Variants in GPHN observed in about 807,000 individuals in gnomAD.
The protein encoded by GPHN is gephyrin.
In GPHN, 17 loss-of-function variants were observed where a neutral mutation model predicts 95.5. That is an observed-to-expected ratio of 0.18 (90% CI 0.12 to 0.27). The LOEUF (loss-of-function observed/expected upper bound fraction) is 0.27. Ranked by LOEUF, GPHN falls within the 10% of genes least tolerant of loss-of-function variation. GPHN has a pLI of 1.00. For synonymous variants in GPHN, 320 were observed against 322.5 expected (o/e 0.99, Z 0.08); for missense variants, 660 against 978.1 (o/e 0.67, Z 4.34).
At chr14:67,479,330 G>A in the GPHN span, among the ~76,000 whole-genome samples, 28 of 145,662 alleles carry the variant, frequency 1.9e-4, no homozygotes, top group Non-Finnish European at 3.2e-4. Flanking sequence ...TGCTTGAACC[G>A]GGACCCAGGA....
intron 8 of GPHN, among the ~76,000 whole-genome samples, chr14:66,933,885 T>C (rs1255512282): frequency 2.0e-5 from 3 of 152,120 alleles, no homozygotes; most frequent in Admixed American, 2.0e-4. Context: ...ATGCCTGTAA[T>C]ACCAGCACTT....
At chr14:67,574,967 G>A in the GPHN span, among the ~76,000 whole-genome samples, 2 of 152,274 alleles carry the variant, frequency 1.3e-5, no homozygotes, top group Admixed American at 6.5e-5. This position sits in a 1 kb window ranked among gnomAD's most constrained non-coding sequence, Gnocchi z 4.2. Flanking sequence ...TCTGCTTCTC[G>A]TTCAATCTGT....
intron 1 of GPHN, among the ~76,000 whole-genome samples, chr14:66,560,681 C>G (rs909502071): frequency 2.0e-5 from 3 of 152,096 alleles, no homozygotes; most frequent in African/African-American, 4.8e-5. Flanking sequence ...ATCATGTCAT[C>G]TGCAAACAGG....
At chr14:67,264,334 A>G in the GPHN span, among the ~76,000 whole-genome samples, 50 of 152,288 alleles carry the variant, frequency 3.3e-4, 1 homozygote, top group African/African-American at 1.2e-3. Flanking sequence ...GTAAATATTA[A>G]TAGTATTAGC....
chr14:67,028,906 A>G (rs1295013323), intron 10 of GPHN, among the ~76,000 whole-genome samples: 2 of 151,996 alleles, frequency 1.3e-5, no homozygotes, highest in Non-Finnish European at 2.9e-5. Context: ...TGTTGTCTGT[A>G]CTTTTGAAGT....
At chr14:66,573,901 G>A (rs755165867) in intron 1 of GPHN, among the ~76,000 whole-genome samples, 20 of 151,902 alleles carry the variant, frequency 1.3e-4, no homozygotes, top group Non-Finnish European at 2.9e-5. Context: ...CCTTATAGAC[G>A]AAATGAATCT....
intron 2 of GPHN, among the ~76,000 whole-genome samples, chr14:66,737,529 T>C (rs1410870457): frequency 6.6e-6 from 1 of 152,186 alleles, no homozygotes; most frequent in Non-Finnish European, 1.5e-5. Context: ...TTGTTTTTCT[T>C]AGTTTATCCT....
At position 66,879,272 on chromosome 14, in the gene GPHN, G is replaced by A. The variant is rs144405401; in HGVS notation, c.295-667G>A. On this transcript the variant is annotated intron_variant, in intron 4 of 22. Transcript: ENST00000478722. The stretch of plus-strand genomic sequence containing the variant: ...ACCTAATATAGACGGGTTGATGGGT[G>A]CAGCAAACCACCATGCCATGTGTAC... Among the ~76,000 whole-genome samples the A allele has an allele frequency of 1.2e-3, 188 of 151,450 alleles. 3 individuals are homozygous for A. The East Asian group carries it at 0.032, about 26-fold the overall frequency.
At chr14:66,819,385 G>T (rs533691198) in intron 3 of GPHN, among the ~76,000 whole-genome samples, 1 of 152,192 alleles carries the variant, frequency 6.6e-6, no homozygotes, top group Admixed American at 6.5e-5. Flanking sequence ...TCAGAGAGTT[G>T]TAAGTGTGTG....
chr14:67,011,545 G>T (rs1326565204), intron 9 of GPHN, among the ~76,000 whole-genome samples: 10 of 132,218 alleles, frequency 7.6e-5, no homozygotes. Flanking sequence ...CTGCACTGTA[G>T]CCTGGACAGT....
At chr14:67,607,514 A>G in the GPHN span, among the ~76,000 whole-genome samples, 738 of 152,234 alleles carry the variant, frequency 4.8e-3, 36 homozygotes, top group East Asian at 0.082. Flanking sequence ...CTACAGACGC[A>G]TGCCACCGGG....
intron 8 of GPHN, among the ~76,000 whole-genome samples, chr14:66,956,364 T>C (rs1192153239): frequency 2.6e-5 from 4 of 152,258 alleles, no homozygotes; most frequent in Admixed American, 6.5e-5. Flanking sequence ...AATGTGTTTA[T>C]AGCAGCATGA....
the GPHN span, chr14:67,561,954 C>A: frequency 6.2e-7 from 1 of 1,611,584 alleles, no homozygotes; most frequent in Non-Finnish European, 8.5e-7. Flanking sequence ...TTTTGCTCAG[C>A]TTGAGATGGA....
the GPHN span, among the ~76,000 whole-genome samples, chr14:67,413,808 GTCACCT>G: frequency 6.6e-6 from 1 of 152,150 alleles, no homozygotes; most frequent in South Asian, 2.1e-4. Flanking sequence ...ACATCAGCTG[GTCACCT>G]TCTGAAGCCA....
At chr14:66,896,497 A>T (rs1236384500) in intron 5 of GPHN, among the ~76,000 whole-genome samples, 1 of 152,006 alleles carries the variant, frequency 6.6e-6, no homozygotes, top group Non-Finnish European at 1.5e-5. Context: ...ACGTGCCTGT[A>T]GCTACTCGGG....
chr14:66,993,843 T>A (rs2071593425), intron 9 of GPHN, among the ~76,000 whole-genome samples: 1 of 152,150 alleles, frequency 6.6e-6, no homozygotes, highest in African/African-American at 2.4e-5. Context: ...TTTACTTATA[T>A]TAATAATATT....
At chr14:67,725,004 A>G in the GPHN span, 3 of 1,364,740 alleles carry the variant, frequency 2.2e-6, no homozygotes, top group Admixed American at 3.3e-5. Context: ...GGCTGGGAGA[A>G]TGAATGCTCT....
At chr14:66,649,994 T>G (rs1173631869) in intron 1 of GPHN, among the ~76,000 whole-genome samples, 1 of 151,066 alleles carries the variant, frequency 6.6e-6, no homozygotes, top group Non-Finnish European at 1.5e-5. Flanking sequence ...CAGCTAACCC[T>G]ACCCAAAATA....
At chr14:67,595,389 T>C in the GPHN span, among the ~76,000 whole-genome samples, 1 of 152,218 alleles carries the variant, frequency 6.6e-6, no homozygotes, top group African/African-American at 2.4e-5. Context: ...AGTCAAACCA[T>C]CGTAAGTTGG....
Sources: gnomAD v4.1 joint callset for allele counts (sites outside exome capture counted in the v4.1 genomes callset) on GRCh38, gnomAD v4.1.1 for gene constraint, Gnocchi (gnomAD v3.1) non-coding constraint, MANE v1.5 for transcripts, NCBI Gene and HGNC (gene_info 2026-07-23, HGNC 2026-07-21) for gene names.